CEP63: variants seen among roughly 807,000 people sequenced by gnomAD.
CEP63 encodes the protein centrosomal protein 63.
In CEP63, 84 loss-of-function variants were observed where a neutral mutation model predicts 89.1. The ratio of observed to expected loss-of-function variants is 0.94; its 90% CI spans 0.79 to 1.13. CEP63 has a LOEUF of 1.13. Among genes scored for constraint, CEP63 ranks in the 50% most tolerant of loss-of-function variants. CEP63 has a pLI of 0.00. For missense variants in CEP63, 838 were observed against 813.3 expected (o/e 1.03, Z -0.37); for synonymous variants, 267 against 272.5 (o/e 0.98, Z 0.20).
chr3:134,726,155 C>T, the CEP63 span, among the ~76,000 whole-genome samples: 2 of 152,098 alleles, frequency 1.3e-5, no homozygotes, highest in Admixed American at 1.3e-4. Flanking sequence ...TATTTTAATT[C>T]AAAAGATTCT....
Position 134,515,228 on chromosome 3 carries a change from TA to T in CEP63, c.222+7949del, listed in dbSNP as rs1160491419. 1.1e-4 allele frequency among the ~76,000 whole-genome samples: 16 copies of T among 151,968 alleles called. No individual in the cohort carries two copies. The East Asian group carries it at 3.1e-3, about 29-fold the overall frequency. Reference sequence around the variant, plus strand: ...ATGCTAATAGAGAAAAATGGAATGATAAAAAAAGTAATCAGTCCCAAAGAAG... The same window carrying T: ...ATGCTAATAGAGAAAAATGGAATGATAAAAAAGTAATCAGTCCCAAAGAAG... On this transcript the variant is annotated intron_variant, in intron 3 of 14. Coordinates refer to ENST00000675561, the MANE Select transcript of CEP63 (RefSeq NM_001353108.3).
At chr3:134,587,836 T>TAA (rs79610579), downstream of CEP63, among the ~76,000 whole-genome samples, 62 of 117,168 alleles carry the variant, frequency 5.3e-4, no homozygotes, top group African/African-American at 1.8e-3. Context: ...GACCCCCCTA[T>TAA]AAAAAAAAAA....
chr3:134,750,568 G>A, the CEP63 span, among the ~76,000 whole-genome samples: 2 of 152,266 alleles, frequency 1.3e-5, no homozygotes, highest in East Asian at 1.9e-4. Context: ...CACATGCAGG[G>A]CCTTTTTCCT....
rs1953129459 is a variant in CEP63 at position 134,545,676 on chromosome 3, G to A, written c.646G>A (p.Ala216Thr). ...ACACTTAAGCAGTAAACTGGAGCGG[G>A]CTAATGACACTATCTGTGCCAATGA... ...IQHLSSKLER[A>T]NDTICANELE... Residue 216 changes from alanine (A) to threonine (T), a missense_variant, in exon 7 of 15, where the codon GCT becomes ACT. Coordinates refer to ENST00000675561, the MANE Select transcript of CEP63 (RefSeq NM_001353108.3). 6.2e-7 allele frequency: 1 copy of A among 1,613,956 alleles called. No homozygotes were observed. The highest frequency in any genetic ancestry group is 1.7e-5 in the Admixed American group (1 of 60,000).
chr3:134,550,900 G>A (rs534616591), intron 11 of CEP63, among the ~76,000 whole-genome samples: 2 of 152,180 alleles, frequency 1.3e-5, no homozygotes, highest in Non-Finnish European at 2.9e-5. Flanking sequence ...AGAGGGAAAT[G>A]GATGAATTCT....
chr3:134,759,207 C>T, the CEP63 span, among the ~76,000 whole-genome samples: 2 of 152,276 alleles, frequency 1.3e-5, no homozygotes, highest in East Asian at 1.9e-4. Flanking sequence ...AGCCACTAAG[C>T]GTGTGGTAAT....
the CEP63 span, among the ~76,000 whole-genome samples, chr3:134,606,249 C>G: frequency 6.6e-6 from 1 of 152,174 alleles, no homozygotes; most frequent in South Asian, 2.1e-4. Context: ...CCCAGCACCC[C>G]ACACAGCAGC....
At chr3:134,709,747 A>T in the CEP63 span, among the ~76,000 whole-genome samples, 2 of 152,238 alleles carry the variant, frequency 1.3e-5, no homozygotes, top group Non-Finnish European at 2.9e-5. Flanking sequence ...ACAGTCTGGA[A>T]TGGTGGAAAG....
downstream of CEP63, among the ~76,000 whole-genome samples, chr3:134,592,469 G>GGTTGTGT (rs1958615899): frequency 8.0e-6 from 1 of 125,108 alleles, no homozygotes; most frequent in Non-Finnish European, 1.6e-5. Flanking sequence ...TCTGCAAACT[G>GGTTGTGT]GTGTGTGTGT....
downstream of CEP63, among the ~76,000 whole-genome samples, chr3:134,575,390 T>TCCCTCCG (rs763034517): frequency 7.8e-5 from 4 of 51,416 alleles, 1 homozygote; most frequent in Non-Finnish European, 1.6e-4. Context: ...CCTCCCTCCC[T>TCCCTCCG]TTTTTCCTTT....
At chr3:134,666,131 A>G in the CEP63 span, among the ~76,000 whole-genome samples, 1 of 152,168 alleles carries the variant, frequency 6.6e-6, no homozygotes, top group African/African-American at 2.4e-5. Flanking sequence ...GTGAGGGTAG[A>G]GAGACAAAGT....
chr3:134,642,165 C>T, the CEP63 span, among the ~76,000 whole-genome samples: 1 of 152,194 alleles, frequency 6.6e-6, no homozygotes, highest in Non-Finnish European at 1.5e-5. Context: ...AGTTGGCTGG[C>T]CTTTCATCAC....
the CEP63 span, among the ~76,000 whole-genome samples, chr3:134,727,084 C>T: frequency 6.6e-6 from 1 of 152,008 alleles, no homozygotes; most frequent in African/African-American, 2.4e-5. Flanking sequence ...TTCTGATTGC[C>T]ACTGAGATTT....
intron 10 of CEP63, among the ~76,000 whole-genome samples, chr3:134,587,097 CT>C (rs1369632956): frequency 2.0e-5 from 3 of 152,106 alleles, no homozygotes; most frequent in Non-Finnish European, 4.4e-5. Flanking sequence ...TTCGTCTAAC[CT>C]TTTTTCAAGG....
At chr3:134,753,303 C>G in the CEP63 span, among the ~76,000 whole-genome samples, 1 of 152,198 alleles carries the variant, frequency 6.6e-6, no homozygotes, top group Non-Finnish European at 1.5e-5. Context: ...TTTATCCTAG[C>G]TCTCTTTCCC....
the CEP63 span, among the ~76,000 whole-genome samples, chr3:134,674,398 A>G: frequency 6.6e-6 from 1 of 152,258 alleles, no homozygotes; most frequent in Non-Finnish European, 1.5e-5. Context: ...ATTATTTCAT[A>G]TTAAAAACAC....
At chr3:134,700,978 T>G in the CEP63 span, among the ~76,000 whole-genome samples, 48 of 152,202 alleles carry the variant, frequency 3.2e-4, no homozygotes, top group African/African-American at 1.1e-3. Flanking sequence ...TCTTGTTTGC[T>G]GTCATCTTCC....
downstream of CEP63, among the ~76,000 whole-genome samples, chr3:134,565,925 A>G (rs1534026): frequency 0.66 from 100,289 of 151,926 alleles, 33,487 homozygotes; most frequent in East Asian, 0.81. Flanking sequence ...CCCCCACAGT[A>G]TGCTTCACTG....
chr3:134,719,323 C>T, the CEP63 span, among the ~76,000 whole-genome samples: 1 of 152,144 alleles, frequency 6.6e-6, no homozygotes, highest in African/African-American at 2.4e-5. Context: ...GAATCTTAAG[C>T]TCCATCTTAA....
Sources: gnomAD v4.1 joint callset for allele counts (sites outside exome capture counted in the v4.1 genomes callset) on GRCh38, gnomAD v4.1.1 for gene constraint, MANE v1.5 for transcripts, NCBI Gene and HGNC (gene_info 2026-07-23, HGNC 2026-07-21) for gene names.